Variants in ANKS1B observed in about 807,000 individuals in gnomAD.
The protein encoded by ANKS1B is ankyrin repeat and sterile alpha motif domain containing 1B.
A neutral mutation model predicts 148.3 loss-of-function variants in ANKS1B; 36 were observed. The observed-to-expected ratio is 0.24, with a 90% CI of 0.19 to 0.32. ANKS1B has a LOEUF of 0.32. Among genes scored for constraint, ANKS1B ranks in the 10% least tolerant of loss-of-function variants. ANKS1B has a pLI of 1.00. For missense variants in ANKS1B, 1,157 were observed against 1,542.6 expected (o/e 0.75, Z 4.19); for synonymous variants, 542 against 560.8 (o/e 0.97, Z 0.47).
chr12:99,209,159 AG>A (rs972843277), intron 14 of ANKS1B, among the ~76,000 whole-genome samples: 1 of 152,224 alleles, frequency 6.6e-6, no homozygotes, highest in African/African-American at 2.4e-5. Context: ...CCTATCTTCC[AG>A]AGGTTTTCAA....
intron 16 of ANKS1B, among the ~76,000 whole-genome samples, chr12:99,078,649 G>A (rs933357884): frequency 2.0e-5 from 3 of 151,966 alleles, no homozygotes; most frequent in African/African-American, 4.8e-5. Flanking sequence ...AGTTTTTGAC[G>A]GATTATTCCA....
At chr12:99,380,517 A>G (rs2093596901) in intron 12 of ANKS1B, among the ~76,000 whole-genome samples, 1 of 152,218 alleles carries the variant, frequency 6.6e-6, no homozygotes, top group African/African-American at 2.4e-5. Context: ...TTAATAAAGA[A>G]GGCTAAAAAG....
chr12:99,973,220 C>A (rs569965484), intron 1 of ANKS1B, among the ~76,000 whole-genome samples: 1 of 152,202 alleles, frequency 6.6e-6, no homozygotes, highest in Non-Finnish European at 1.5e-5. Context: ...TTCAAGTCTT[C>A]TTATTTAAGA....
At chr12:98,925,094 AGCTACAGCAGAAT>A (rs1392851138) in intron 17 of ANKS1B, among the ~76,000 whole-genome samples, 2 of 152,230 alleles carry the variant, frequency 1.3e-5, no homozygotes, top group African/African-American at 4.8e-5. Flanking sequence ...GAGAATAATG[AGCTACAGCAGAAT>A]GGCATAATGT....
In ANKS1B at chr12:99,403,152, C is replaced by CTTTTTTTT. The variant is rs143800860; in HGVS notation, c.1576-3349_1576-3342dup. ...CAGCAGTGTCTGTTCACTTTTCTTTCTTTTTTTTTTTTTTTTTTTTTTTTT... is the reference window on the plus strand; with the variant it reads ...CAGCAGTGTCTGTTCACTTTTCTTTCTTTTTTTTTTTTTTTTTTTTTTTTTTTTTTTTT... On this transcript the variant is annotated intron_variant, in intron 11 of 26. Transcript: ENST00000683438. Among the ~76,000 whole-genome samples the CTTTTTTTT allele has an allele frequency of 1.4e-4, 10 of 73,160 alleles. 1 individual carries two copies. The highest frequency in any genetic ancestry group is 2.6e-4 in the African/African-American group (4 of 15,326). The allele number at this position is 73,160 out of a possible 152,430, so 48.0% of individuals were successfully genotyped here.
intron 12 of ANKS1B, among the ~76,000 whole-genome samples, chr12:99,370,706 T>A (rs2093080987): frequency 6.6e-6 from 1 of 152,182 alleles, no homozygotes; most frequent in African/African-American, 2.4e-5. Context: ...TTCACAGGTC[T>A]AGAATTTAAT....
At chr12:99,872,668 T>C (rs1242129842) in intron 1 of ANKS1B, among the ~76,000 whole-genome samples, 1 of 152,192 alleles carries the variant, frequency 6.6e-6, no homozygotes, top group African/African-American at 2.4e-5. Context: ...AAGATTCTTA[T>C]TGTTTTTGTG....
intron 17 of ANKS1B, among the ~76,000 whole-genome samples, chr12:98,865,293 C>T (rs1236663833): frequency 1.3e-5 from 2 of 152,164 alleles, no homozygotes; most frequent in African/African-American, 4.8e-5. Flanking sequence ...GTTCCTCTTG[C>T]TTAGTCCCTG....
intron 12 of ANKS1B, among the ~76,000 whole-genome samples, chr12:99,322,468 A>G (rs148176212): frequency 1.5e-4 from 23 of 150,826 alleles, no homozygotes; most frequent in African/African-American, 4.6e-4. Flanking sequence ...TGTATCCTGG[A>G]ACTTAAAGTA....
At chr12:99,350,017 G>A (rs971069853) in intron 12 of ANKS1B, among the ~76,000 whole-genome samples, 2 of 151,984 alleles carry the variant, frequency 1.3e-5, no homozygotes, top group African/African-American at 4.8e-5. Flanking sequence ...GTGTCCCCAC[G>A]GAAATCTCTG....
chr12:99,933,944 T>C (rs898283035), intron 1 of ANKS1B, among the ~76,000 whole-genome samples: 2 of 152,208 alleles, frequency 1.3e-5, no homozygotes, highest in African/African-American at 4.8e-5. Context: ...GGTTTTATCA[T>C]GAAGGGATGT....
At chr12:99,899,253 A>G (rs1330842167) in intron 1 of ANKS1B, among the ~76,000 whole-genome samples, 1 of 152,208 alleles carries the variant, frequency 6.6e-6, no homozygotes, top group Non-Finnish European at 1.5e-5. Context: ...TAAGTGGCAG[A>G]ACTGAGATTC....
chr12:99,107,986 C>T (rs1422643447), intron 15 of ANKS1B, among the ~76,000 whole-genome samples: 2 of 152,192 alleles, frequency 1.3e-5, no homozygotes, highest in Non-Finnish European at 2.9e-5. Flanking sequence ...GTGTATTTCT[C>T]ACTGAAACTT....
At chr12:99,112,252 T>A (rs1031047567) in intron 15 of ANKS1B, among the ~76,000 whole-genome samples, 5 of 152,160 alleles carry the variant, frequency 3.3e-5, no homozygotes, top group Non-Finnish European at 5.9e-5. Flanking sequence ...ATGGGTATTA[T>A]CAAAATGTTC....
chr12:98,903,210 GT>G (rs761063930), intron 17 of ANKS1B, among the ~76,000 whole-genome samples: 107 of 152,198 alleles, frequency 7.0e-4, no homozygotes, highest in Non-Finnish European at 1.3e-3. Flanking sequence ...GATGGCCATT[GT>G]TTTTTCCTGC....
chr12:99,745,028 C>A (rs1470712082), intron 8 of ANKS1B, among the ~76,000 whole-genome samples: 4 of 139,470 alleles, frequency 2.9e-5, no homozygotes, highest in Non-Finnish European at 6.2e-5. Flanking sequence ...TCAGTAGTAT[C>A]TTTAGGAGCC....
At chr12:99,458,084 A>G (rs539381601) in intron 10 of ANKS1B, among the ~76,000 whole-genome samples, 1 of 152,158 alleles carries the variant, frequency 6.6e-6, no homozygotes, top group East Asian at 1.9e-4. Context: ...ACTCTCTCAG[A>G]GCACAGTGGA....
chr12:99,067,056 G>A (rs1386143598), intron 16 of ANKS1B, among the ~76,000 whole-genome samples: 5 of 152,196 alleles, frequency 3.3e-5, no homozygotes, highest in Non-Finnish European at 5.9e-5. Context: ...TTTAAAATCT[G>A]GCACTCTGAC....
intron 17 of ANKS1B, among the ~76,000 whole-genome samples, chr12:98,867,964 C>T (rs1275592313): frequency 2.6e-5 from 4 of 152,150 alleles, no homozygotes; most frequent in South Asian, 2.1e-4. Context: ...CACCCAACTT[C>T]GAAGCTGGCC....
Sources: allele counts gnomAD v4.1 joint callset (sites outside exome capture counted in the v4.1 genomes callset), GRCh38; gene constraint gnomAD v4.1.1; transcripts MANE v1.5; gene names NCBI Gene and HGNC (gene_info 2026-07-23, HGNC 2026-07-21).